SNTG1: variants seen among roughly 807,000 people sequenced by gnomAD.
SNTG1 encodes syntrophin gamma 1.
SNTG1 carries 39 observed loss-of-function variants against 74.7 expected under a neutral mutation model. The ratio of observed to expected loss-of-function variants is 0.52; its 90% confidence interval spans 0.40 to 0.68. SNTG1 has a LOEUF of 0.68. Among genes scored for constraint, SNTG1 ranks in the 30% least tolerant of loss-of-function variants. The pLI, the probability that SNTG1 is intolerant of heterozygous loss-of-function variation, is 0.00. For missense variants in SNTG1, 685 were observed against 609.5 expected (o/e 1.12, Z -1.30); for synonymous variants, 254 against 217.1 (o/e 1.17, Z -1.49).
chr8:50,175,238 T>C (rs1442901882), intron 2 of SNTG1, among the ~76,000 whole-genome samples: 1 of 152,170 alleles, frequency 6.6e-6, no homozygotes, highest in East Asian at 1.9e-4. Flanking sequence ...AGTAATGGGA[T>C]GGCTGGGTCA....
chr8:50,670,797 A>G (rs1246131869), intron 15 of SNTG1, among the ~76,000 whole-genome samples: 4 of 150,412 alleles, frequency 2.7e-5, no homozygotes, highest in Admixed American at 6.6e-5. Flanking sequence ...AAACTATACT[A>G]CAAGGCTACA....
chr8:50,361,059 T>A (rs1408165411), intron 2 of SNTG1, among the ~76,000 whole-genome samples: 2 of 152,218 alleles, frequency 1.3e-5, no homozygotes, highest in Non-Finnish European at 2.9e-5. Context: ...ACACAAACAT[T>A]TACAACTGTA....
chr8:50,569,272 T>C (rs552235137), intron 12 of SNTG1, among the ~76,000 whole-genome samples: 1 of 152,122 alleles, frequency 6.6e-6, no homozygotes. Flanking sequence ...AGCCAGTCCC[T>C]CTGTGGGATG....
intron 2 of SNTG1, among the ~76,000 whole-genome samples, chr8:50,310,650 T>G (rs1383171218): frequency 6.6e-6 from 1 of 152,166 alleles, no homozygotes; most frequent in Non-Finnish European, 1.5e-5. Context: ...ACCATGCCAT[T>G]GCACTCCAAC....
intron 17 of SNTG1, among the ~76,000 whole-genome samples, chr8:50,715,366 C>A (rs1473743490): frequency 6.6e-6 from 1 of 152,076 alleles, no homozygotes; most frequent in African/African-American, 2.4e-5. Flanking sequence ...AGTCTGATTG[C>A]TTTTATTATT....
At position 50,054,674 on chromosome 8, in the gene SNTG1, T is replaced by C. The variant is rs561721589; in HGVS notation, c.-102-117887T>C. On this transcript the variant is annotated intron_variant, in intron 1 of 18. Coordinates refer to ENST00000642720, the MANE Select transcript of SNTG1 (RefSeq NM_018967.5). ...CCTACTGTTCCAGCCTCAGTTCTTA[T>C]TATTTATTTATTTTTGAGTTGGGGT... 3.2e-3 allele frequency among the ~76,000 whole-genome samples: 481 copies of C among 152,174 alleles called. 1 individual carries two copies. Among genetic ancestry groups the C allele is most frequent in the Non-Finnish European group, 4.3e-3 (289 of 67,972 alleles).
intron 12 of SNTG1, among the ~76,000 whole-genome samples, chr8:50,582,213 C>T (rs1264331984): frequency 6.6e-6 from 1 of 152,128 alleles, no homozygotes. Flanking sequence ...CAAAGTTAAA[C>T]TTCAAATTCA....
intron 1 of SNTG1, among the ~76,000 whole-genome samples, chr8:49,940,162 T>C (rs1808552269): frequency 6.6e-6 from 1 of 152,122 alleles, no homozygotes; most frequent in Non-Finnish European, 1.5e-5. Flanking sequence ...GGTGGCAGGA[T>C]GGCACAAACC....
intron 9 of SNTG1, 139 bp from the exon 10 acceptor site, chr8:50,530,038 G>A: frequency 1.4e-6 from 1 of 719,110 alleles, no homozygotes; most frequent in Non-Finnish European, 2.3e-6. Flanking sequence ...TCTGGCTTTA[G>A]TATAACTGAG....
chr8:50,392,763 A>C (rs1247617004), intron 2 of SNTG1, among the ~76,000 whole-genome samples: 2 of 152,320 alleles, frequency 1.3e-5, no homozygotes, highest in African/African-American at 4.8e-5. Context: ...ATGTGCTAAA[A>C]ATGGTAGAAA....
intron 2 of SNTG1, among the ~76,000 whole-genome samples, chr8:50,219,022 G>A (rs10095985): frequency 0.45 from 68,566 of 152,112 alleles, 20,024 homozygotes; most frequent in African/African-American, 0.84. Context: ...ATCTCCCACA[G>A]AAACAATTTC....
intron 2 of SNTG1, among the ~76,000 whole-genome samples, chr8:50,337,431 C>A (rs1439434059): frequency 6.6e-6 from 1 of 152,228 alleles, no homozygotes; most frequent in Non-Finnish European, 1.5e-5. Flanking sequence ...CTCCAGGAGA[C>A]TCACCAGGTT....
At chr8:50,671,952 C>A (rs2095285457) in intron 15 of SNTG1, among the ~76,000 whole-genome samples, 1 of 146,526 alleles carries the variant, frequency 6.8e-6, no homozygotes, top group Admixed American at 7.1e-5. Context: ...GGACAAAAAA[C>A]TAAACACCAC....
intron 13 of SNTG1, among the ~76,000 whole-genome samples, chr8:50,596,816 G>A (rs997719529): frequency 6.6e-6 from 1 of 151,878 alleles, no homozygotes; most frequent in Admixed American, 6.6e-5. Flanking sequence ...CACATGTTTG[G>A]GGGACAGTGT....
Position 50,704,663 on chromosome 8 carries a change from C to A in SNTG1, c.1102C>A (p.Leu368Met), listed in dbSNP as rs2131530761. The change falls in exon 16 of 19, where the codon CTG (leucine) becomes ATG (methionine). Residue 368 changes from leucine to methionine, a missense_variant. Leu to Met is a conservative substitution (Grantham distance 15). Coordinates refer to ENST00000642720, the MANE Select transcript of SNTG1 (RefSeq NM_018967.5). ...FTVQSESGED[L>M]YFSVELESDL... ...CGTGCAGTCTGAGTCTGGGGAGGACCTGTACTTCTCAGTGGAGCTGGAAAG... is the reference window on the plus strand; with the variant it reads ...CGTGCAGTCTGAGTCTGGGGAGGACATGTACTTCTCAGTGGAGCTGGAAAG... 1 of 1,614,102 alleles carries A rather than the reference C, an allele frequency of 6.2e-7. No individual in the cohort carries two copies. The highest frequency in any genetic ancestry group is 8.5e-7 in the Non-Finnish European group (1 of 1,180,018).
intron 2 of SNTG1, among the ~76,000 whole-genome samples, chr8:50,346,236 C>T (rs906011743): frequency 2.0e-5 from 3 of 152,220 alleles, no homozygotes; most frequent in Admixed American, 2.0e-4. Flanking sequence ...ACAGCATGTG[C>T]TCATTTCCTG....
At chr8:50,244,720 G>A (rs571346887) in intron 2 of SNTG1, among the ~76,000 whole-genome samples, 1 of 152,208 alleles carries the variant, frequency 6.6e-6, no homozygotes, top group Admixed American at 6.5e-5. Context: ...ACAAATATAT[G>A]AATATTTACC....
intron 9 of SNTG1, among the ~76,000 whole-genome samples, chr8:50,511,958 A>T (rs193184873): frequency 6.6e-6 from 1 of 152,168 alleles, no homozygotes; most frequent in East Asian, 1.9e-4. Context: ...TCCTGTCATT[A>T]TGATGTTAGC....
chr8:50,563,087 G>A (rs532483490), intron 12 of SNTG1, among the ~76,000 whole-genome samples: 2 of 152,170 alleles, frequency 1.3e-5, no homozygotes, highest in Admixed American at 1.3e-4. Flanking sequence ...TCCCTGAAGA[G>A]CAGACAAGAC....
Sources: gnomAD v4.1 joint callset for allele counts (sites outside exome capture counted in the v4.1 genomes callset) on GRCh38, gnomAD v4.1.1 for gene constraint, MANE v1.5 for transcripts, NCBI Gene and HGNC (gene_info 2026-07-23, HGNC 2026-07-21) for gene names.